SLC45A1: variants seen among roughly 807,000 people sequenced by gnomAD.
SLC45A1 encodes the protein proton-associated sugar transporter A.
SLC45A1 carries 28 observed loss-of-function variants against 57.6 expected under a neutral mutation model. The observed-to-expected ratio is 0.49, with a 90% CI of 0.36 to 0.67. The LOEUF (loss-of-function observed/expected upper bound fraction) is 0.67. Among genes scored for constraint, SLC45A1 ranks in the 30% least tolerant of loss-of-function variants. The pLI is 0.00. For missense variants in SLC45A1, 814 were observed against 1,041.5 expected (o/e 0.78, Z 3.01); for synonymous variants, 459 against 471.5 (o/e 0.97, Z 0.34).
Position 8,325,746 on chromosome 1 carries a change from CAT to C in SLC45A1, c.491-70_491-69del. The C allele has an allele frequency of 2.9e-6, 4 of 1,388,750 alleles. No individual in the cohort carries two copies. The highest frequency in any genetic ancestry group is 4.0e-6 in the Non-Finnish European group (4 of 1,000,604). The allele number at this position is 1,388,750 out of a possible 1,614,324, so 86.0% of individuals were successfully genotyped here. On this transcript the variant is annotated intron_variant, in intron 3 of 8. Coordinates refer to ENST00000471889, the MANE Select transcript of SLC45A1 (RefSeq NM_001080397.3). The surrounding 1 kb of genome is among the most constrained non-coding windows in gnomAD (Gnocchi z 6.3). ...ATTCTTGAGTCCTAAAGATTCTAGA[CAT>C]AAGTCGTGAGCTGCCGGGGACAGAG...
At chr1:8,334,592 A>C (rs1640544641) in intron 5 of SLC45A1, among the ~76,000 whole-genome samples, 2 of 152,036 alleles carry the variant, frequency 1.3e-5, no homozygotes, top group South Asian at 4.1e-4. Context: ...AGTCCCAGCT[A>C]CTCGGGAGGC....
At chr1:8,333,529 A>T (rs1320616417) in intron 5 of SLC45A1, among the ~76,000 whole-genome samples, 1 of 152,138 alleles carries the variant, frequency 6.6e-6, no homozygotes, top group African/African-American at 2.4e-5. Context: ...TCAATCTGCC[A>T]GGCCCAAGTG....
At chr1:8,319,812 G>A (rs1639943798) in intron 1 of SLC45A1, among the ~76,000 whole-genome samples, 1 of 152,110 alleles carries the variant, frequency 6.6e-6, no homozygotes, top group Non-Finnish European at 1.5e-5. Context: ...CACCTCCTGG[G>A]TTCAAGCGAT....
chr1:8,341,414 A>C (rs1278618334), intron 8 of SLC45A1, among the ~76,000 whole-genome samples: 3 of 151,308 alleles, frequency 2.0e-5, no homozygotes, highest in African/African-American at 7.3e-5. Flanking sequence ...GGACGCCTAT[A>C]GTCCCAGCTA....
In SLC45A1 at chr1:8,344,119, C is replaced by A; in HGVS notation, c.*106C>A. The A allele has an allele frequency of 9.6e-7, 1 of 1,044,554 alleles. No individual in the cohort carries two copies. The highest frequency in any genetic ancestry group is 1.7e-5 in the South Asian group (1 of 57,922). The allele number at this position is 1,044,554 out of a possible 1,614,324, so 64.7% of individuals were successfully genotyped here. A position where few individuals can be genotyped will look rare whatever the true frequency, so the allele number is the denominator to read the frequency against. ...GTTGGACAGGGGGACTGGCTGCCTA[C>A]TGGAATGTAAATATGTGATAAAATA... is the stretch of plus-strand genomic sequence containing the variant. On this transcript the variant is annotated 3_prime_UTR_variant, in exon 9 of 9. Coordinates refer to ENST00000471889, the MANE Select transcript of SLC45A1 (RefSeq NM_001080397.3).
In SLC45A1 at chr1:8,330,719, A is replaced by G; in HGVS notation, c.1226A>G (p.Asp409Gly). 6.2e-7 allele frequency: 1 copy of G among 1,613,040 alleles called. No individual in the cohort carries two copies. Among genetic ancestry groups the G allele is most frequent in the Non-Finnish European group, 8.5e-7 (1 of 1,179,940 alleles). ...AGCGTCAGCTTCCCCCGGGCCCCCG[A>G]CGGCTTCTACCGCCAGGACCGTGGA... ...PISVSFPRAP[D>G]GFYRQDRGLL... is the part of the protein sequence containing the mutation. Residue 409 changes from aspartate (D) to glycine (G), a missense_variant, in exon 5 of 9, where the codon GAC becomes GGC. Coordinates refer to ENST00000471889, the MANE Select transcript of SLC45A1 (RefSeq NM_001080397.3). This position sits in a 1 kb window ranked among gnomAD's most constrained non-coding sequence, Gnocchi z 8.4.
At chr1:8,338,811 G>T (rs1640708582) in intron 7 of SLC45A1, among the ~76,000 whole-genome samples, 1 of 152,156 alleles carries the variant, frequency 6.6e-6, no homozygotes, top group South Asian at 2.1e-4. Flanking sequence ...CTAGGCTGCA[G>T]GCTGGACTTC....
intron 1 of SLC45A1, among the ~76,000 whole-genome samples, chr1:8,320,740 A>C (rs1444614152): frequency 6.9e-6 from 1 of 144,704 alleles, no homozygotes; most frequent in Admixed American, 6.9e-5. Flanking sequence ...CACACCTGCC[A>C]TATGCTGTTT....
chr1:8,323,610 C>T (rs972316015), intron 1 of SLC45A1, among the ~76,000 whole-genome samples: 8 of 100,400 alleles, frequency 8.0e-5, no homozygotes, highest in Non-Finnish European at 1.4e-4. Flanking sequence ...TTCCAGAGTT[C>T]GGCTTATTAA....
In SLC45A1 at chr1:8,335,168, C is replaced by T. The variant is rs185292160; in HGVS notation, c.1444-269C>T. Among the ~76,000 whole-genome samples, 1 of 152,370 alleles carries T rather than the reference C, an allele frequency of 6.6e-6. No homozygotes were observed. Among genetic ancestry groups the T allele is most frequent in the East Asian group, 1.9e-4 (1 of 5,190 alleles). On this transcript the variant is annotated intron_variant, in intron 5 of 8. Coordinates refer to ENST00000471889, the MANE Select transcript of SLC45A1 (RefSeq NM_001080397.3). The surrounding 1 kb of genome is among the most constrained non-coding windows in gnomAD (Gnocchi z 4.1). ...ATTTTGCAAAGTCTTATCTCACTCC[C>T]TGTGGCACAGATAGTGTCCTGTGGC...
rs369643559 is a variant in SLC45A1 at position 8,324,676 on chromosome 1, G to A, written c.347G>A (p.Gly116Asp). The A allele has an allele frequency of 1.3e-6, 2 of 1,594,956 alleles. No homozygotes were observed. The highest frequency in any genetic ancestry group is 2.7e-5 in the African/African-American group (2 of 74,420). Residue 116 changes from glycine to aspartate, a missense_variant, in exon 2 of 9, where the codon GGC (glycine) becomes GAC (aspartate). Coordinates refer to ENST00000471889, the MANE Select transcript of SLC45A1 (RefSeq NM_001080397.3). ...GTGACCCCGGTGCTCCTGCAGATGGGCCTGCCCGACCAGCTCTACAGCCTG... is the reference window on the plus strand; with the variant it reads ...GTGACCCCGGTGCTCCTGCAGATGGACCTGCCCGACCAGCTCTACAGCCTG... ...AYVTPVLLQM[G>D]LPDQLYSLVW... is the part of the protein sequence containing the mutation.
chr1:8,340,024 C>T (rs1640759948), intron 8 of SLC45A1, among the ~76,000 whole-genome samples: 1 of 152,180 alleles, frequency 6.6e-6, no homozygotes, highest in African/African-American at 2.4e-5. Context: ...CCTGTCCCAG[C>T]CATTCAGGGT....
intron 4 of SLC45A1, chr1:8,329,988 G>GA: frequency 1.7e-6 from 1 of 587,320 alleles, no homozygotes; most frequent in Admixed American, 3.0e-5. Context: ...GTCACACCAG[G>GA]AAGGGCCCTG....
chr1:8,321,247 G>A (rs557933976), intron 1 of SLC45A1, among the ~76,000 whole-genome samples: 1 of 152,272 alleles, frequency 6.6e-6, no homozygotes, highest in South Asian at 2.1e-4. Context: ...TATTTCAAAT[G>A]AAGTATTACT....
Position 8,330,621 on chromosome 1 carries a change from C to A in SLC45A1, c.1128C>A (p.Val376=). 1 of 1,613,644 alleles carries A rather than the reference C, an allele frequency of 6.2e-7. No homozygotes were observed. Among genetic ancestry groups the A allele is most frequent in the Non-Finnish European group, 8.5e-7 (1 of 1,179,988 alleles). ...SSFGTANIDS[V]LIDCFTGGHD... is the part of the protein sequence containing the mutation. ...TTGGCACGGCCAACATAGACAGCGTCCTCATTGACTGCTTCACGGGCGGCC... is the reference window on the plus strand; with the variant it reads ...TTGGCACGGCCAACATAGACAGCGTACTCATTGACTGCTTCACGGGCGGCC... Residue 376 remains valine (V), a synonymous_variant, in exon 5 of 9, where the codon GTC becomes GTA. Coordinates refer to ENST00000471889, the MANE Select transcript of SLC45A1 (RefSeq NM_001080397.3). The surrounding 1 kb of genome is among the most constrained non-coding windows in gnomAD (Gnocchi z 8.4).
chr1:8,336,825 C>A (rs1370281159), intron 6 of SLC45A1, among the ~76,000 whole-genome samples: 1 of 152,094 alleles, frequency 6.6e-6, no homozygotes, highest in African/African-American at 2.4e-5. Flanking sequence ...CCTTCCTCTA[C>A]CAAAGAAGGA....
At chr1:8,338,094 C>T (rs1484439231) in intron 7 of SLC45A1, 102 bp downstream of exon 7, 4 of 1,090,160 alleles carry the variant, frequency 3.7e-6, no homozygotes, top group Non-Finnish European at 5.2e-6. Context: ...TTGCAGACAC[C>T]ACATCCCAAT....
At chr1:8,341,200 A>C (rs1475908460) in intron 8 of SLC45A1, among the ~76,000 whole-genome samples, 2 of 130,066 alleles carry the variant, frequency 1.5e-5, no homozygotes, top group Admixed American at 7.4e-5. Context: ...ACTCCGTTTC[A>C]AAAAAAAAAA....
chr1:8,338,612 C>T (rs1640701518), intron 7 of SLC45A1, among the ~76,000 whole-genome samples: 1 of 152,232 alleles, frequency 6.6e-6, no homozygotes, highest in African/African-American at 2.4e-5. Context: ...TCCGGCTTTG[C>T]CGGCCCAGCG....
Sources: allele counts gnomAD v4.1 joint callset (sites outside exome capture counted in the v4.1 genomes callset), GRCh38; gene constraint gnomAD v4.1.1; non-coding constraint Gnocchi (gnomAD v3.1); transcripts MANE v1.5; gene names NCBI Gene and HGNC (gene_info 2026-07-23, HGNC 2026-07-21).